AAMDC: variants seen among roughly 807,000 people sequenced by gnomAD.
AAMDC encodes adipogenesis associated Mth938 domain containing, also known as mth938 domain-containing protein.
A neutral mutation model predicts 15.5 loss-of-function variants in AAMDC; 16 were observed. The ratio of observed to expected loss-of-function variants is 1.03; its 90% CI spans 0.70 to 1.57. The LOEUF (loss-of-function observed/expected upper bound fraction) is 1.57, where lower values mean the gene tolerates loss of function less well. AAMDC is among the 40% of genes most tolerant of loss of function. The probability of loss-of-function intolerance (pLI) is 0.00; values close to 1 mark genes in which losing one functional copy is unlikely to be tolerated. For missense variants in AAMDC, 141 were observed against 144.9 expected, an observed-to-expected ratio of 0.97 and a Z score of 0.14; for synonymous variants, 51 against 51.6, an observed-to-expected ratio of 0.99 and a Z score of 0.05.
At chr11:77,844,827 A>G (rs1950075982) in intron 2 of AAMDC, among the ~76,000 whole-genome samples, 1 of 152,202 alleles carries the variant, frequency 6.6e-6, no homozygotes, top group African/African-American at 2.4e-5. Context: ...GGAGCGCCTC[A>G]TGATGTAATG....
At chr11:77,873,284 T>C (rs1265419117), downstream of AAMDC, among the ~76,000 whole-genome samples, 4 of 152,240 alleles carry the variant, frequency 2.6e-5, no homozygotes, top group East Asian at 7.7e-4. Context: ...TTGTAGGTAT[T>C]AAATGAGGCA....
intron 5 of AAMDC, chr11:77,883,921 A>G: frequency 6.2e-7 from 1 of 1,613,304 alleles, no homozygotes; most frequent in East Asian, 2.2e-5. Flanking sequence ...CTTGGGGTGA[A>G]TCATCTGAGC....
At chr11:77,833,208 G>A (rs913507539) in intron 1 of AAMDC, among the ~76,000 whole-genome samples, 2 of 150,804 alleles carry the variant, frequency 1.3e-5, no homozygotes, top group African/African-American at 4.9e-5. Context: ...TGGGGTTTTC[G>A]CCATGTTGGC....
At chr11:77,894,492 C>T in intron 5 of AAMDC, 4 of 537,466 alleles carry the variant, frequency 7.4e-6, no homozygotes, top group Non-Finnish European at 1.3e-5. Context: ...CAGAAGACTC[C>T]TAATGGACCT....
intron 2 of AAMDC, among the ~76,000 whole-genome samples, chr11:77,869,504 G>A (rs766835730): frequency 3.0e-4 from 17 of 56,198 alleles, no homozygotes; most frequent in African/African-American, 1.6e-3. Flanking sequence ...GTAGAGACAC[G>A]GTCGGTCTCC....
At chr11:77,873,719 T>G (rs1951519370), downstream of AAMDC, among the ~76,000 whole-genome samples, 1 of 152,180 alleles carries the variant, frequency 6.6e-6, no homozygotes, top group African/African-American at 2.4e-5. Context: ...TTTATCCCAC[T>G]AGGATGGAAG....
At chr11:77,855,720 C>CTTTTTTTTTT (rs374235923) in intron 2 of AAMDC, among the ~76,000 whole-genome samples, 1 of 127,978 alleles carries the variant, frequency 7.8e-6, no homozygotes, top group Non-Finnish European at 1.6e-5. Context: ...AGTTTTATGT[C>CTTTTTTTTTT]TTTTTTTTTT....
chr11:77,903,645 C>G (rs1472074838), downstream of AAMDC: 7 of 1,587,902 alleles, frequency 4.4e-6, no homozygotes, highest in East Asian at 1.3e-4. Context: ...CAGGAGGGAA[C>G]AGAATACCGA....
intron 1 of AAMDC, among the ~76,000 whole-genome samples, chr11:77,825,290 T>C (rs1949118476): frequency 6.6e-6 from 1 of 152,026 alleles, no homozygotes; most frequent in African/African-American, 2.4e-5. Flanking sequence ...CTGCTTTTTT[T>C]TTAATGGATA....
intron 5 of AAMDC, among the ~76,000 whole-genome samples, chr11:77,880,735 A>G (rs919622176): frequency 6.6e-6 from 1 of 152,206 alleles, no homozygotes; most frequent in African/African-American, 2.4e-5. Context: ...AGGCAGGAGA[A>G]TCACTTGATC....
chr11:77,836,453 C>T (rs1045068549), intron 1 of AAMDC, among the ~76,000 whole-genome samples: 1 of 152,038 alleles, frequency 6.6e-6, no homozygotes, highest in African/African-American at 2.4e-5. Context: ...ATTTCCAAGC[C>T]AAAAAGGCCT....
chr11:77,855,499 T>C (rs1950578538), intron 2 of AAMDC: 2 of 192,240 alleles, frequency 1.0e-5, no homozygotes, highest in Admixed American at 6.0e-5. Context: ...TTTTCTTTTT[T>C]TTTGTATTTT....
At chr11:77,888,018 A>C (rs886880532) in intron 5 of AAMDC, among the ~76,000 whole-genome samples, 2 of 152,224 alleles carry the variant, frequency 1.3e-5, no homozygotes, top group Non-Finnish European at 2.9e-5. Flanking sequence ...TTATACATTC[A>C]ATGCCATCCC....
intron 1 of AAMDC, chr11:77,841,076 C>T: frequency 1.6e-6 from 1 of 636,736 alleles, no homozygotes; most frequent in Non-Finnish European, 2.9e-6. Context: ...AGCCTTCTTG[C>T]TGCATCATCC....
exon 6 of AAMDC, chr11:77,900,668 C>T (rs755642149): frequency 5.8e-6 from 4 of 688,182 alleles, no homozygotes; most frequent in South Asian, 3.1e-5. Context: ...TTAAGATGCA[C>T]CTTTATTTTA....
downstream of AAMDC, among the ~76,000 whole-genome samples, chr11:77,873,599 C>G (rs1241919792): frequency 2.6e-5 from 4 of 152,028 alleles, no homozygotes; most frequent in Non-Finnish European, 5.9e-5. Context: ...ACAATTCCTG[C>G]CTTTGGGAAT....
chr11:77,826,280 T>G (rs1949168632), intron 1 of AAMDC, among the ~76,000 whole-genome samples: 10 of 151,796 alleles, frequency 6.6e-5, no homozygotes, highest in Admixed American at 6.6e-4. Flanking sequence ...GAGAATCACT[T>G]GAACCCAGGA....
intron 2 of AAMDC, among the ~76,000 whole-genome samples, chr11:77,864,808 G>A (rs567043441): frequency 2.0e-5 from 3 of 151,636 alleles, no homozygotes; most frequent in East Asian, 2.0e-4. Context: ...GAGAGACCTC[G>A]TTGCTACAGA....
downstream of AAMDC, among the ~76,000 whole-genome samples, chr11:77,876,017 GC>G (rs2136334097): frequency 6.6e-6 from 1 of 152,314 alleles, no homozygotes; most frequent in South Asian, 2.1e-4. Context: ...AAGGGACTGA[GC>G]AGGGGAATGG....
Sources: gnomAD v4.1 joint callset for allele counts (sites outside exome capture counted in the v4.1 genomes callset) on GRCh38, gnomAD v4.1.1 for gene constraint, MANE v1.5 for transcripts, NCBI Gene and HGNC (gene_info 2026-07-23, HGNC 2026-07-21) for gene names.